The following GRAMD1B variants were observed in gnomAD, a reference collection of about 807,000 sequenced individuals.
GRAMD1B encodes GRAM domain containing 1B, also known as protein Aster-B.
A neutral mutation model predicts 99.7 loss-of-function variants in GRAMD1B; 37 were observed. That is an observed-to-expected ratio of 0.37 (90% confidence interval 0.29 to 0.49). The LOEUF (loss-of-function observed/expected upper bound fraction) is 0.49, where lower values mean the gene tolerates loss of function less well. Among genes scored for constraint, GRAMD1B ranks in the 20% least tolerant of loss-of-function variants. GRAMD1B has a pLI of 0.98. For synonymous variants in GRAMD1B, 427 were observed against 387.6 expected, an observed-to-expected ratio of 1.10 and a Z score of -1.19; for missense variants, 888 against 1,009.2, an observed-to-expected ratio of 0.88 and a Z score of 1.63.
At chr11:123,471,767 T>C (rs1239591352) in intron 1 of GRAMD1B, among the ~76,000 whole-genome samples, 1 of 152,148 alleles carries the variant, frequency 6.6e-6, no homozygotes, top group Non-Finnish European at 1.5e-5. Flanking sequence ...CCAGTGAACC[T>C]CAAATCCTGG....
At chr11:123,365,654 T>C (rs568767025) in intron 1 of GRAMD1B, among the ~76,000 whole-genome samples, 3 of 152,310 alleles carry the variant, frequency 2.0e-5, no homozygotes, top group Admixed American at 2.0e-4. Context: ...CTCGCTGCAG[T>C]TGATATATAA....
intron 2 of GRAMD1B, among the ~76,000 whole-genome samples, chr11:123,554,177 T>G (rs925103597): frequency 6.6e-6 from 1 of 152,152 alleles, no homozygotes; most frequent in Non-Finnish European, 1.5e-5. Context: ...GTAGGGTCAG[T>G]GGATAAAAGG....
chr11:123,553,270 T>C (rs985539278), intron 2 of GRAMD1B, among the ~76,000 whole-genome samples: 3 of 152,224 alleles, frequency 2.0e-5, no homozygotes, highest in Non-Finnish European at 4.4e-5. Flanking sequence ...CAGGAGCCAG[T>C]TATTCTATTT....
intron 2 of GRAMD1B, among the ~76,000 whole-genome samples, chr11:123,552,033 T>G (rs1945663741): frequency 6.6e-6 from 1 of 152,140 alleles, no homozygotes; most frequent in Non-Finnish European, 1.5e-5. Context: ...AGGAATCAAC[T>G]CCATTTCCTT....
At chr11:123,511,046 C>T (rs1357311879) in intron 2 of GRAMD1B, among the ~76,000 whole-genome samples, 1 of 151,704 alleles carries the variant, frequency 6.6e-6, no homozygotes, top group Non-Finnish European at 1.5e-5. Flanking sequence ...TTTATCCTGT[C>T]CCTTTTTCAG....
At chr11:123,410,844 C>T (rs1439092391) in intron 1 of GRAMD1B, among the ~76,000 whole-genome samples, 3 of 152,078 alleles carry the variant, frequency 2.0e-5, no homozygotes, top group African/African-American at 7.2e-5. Flanking sequence ...CAAGTGACTT[C>T]TAGGCAAGCT....
At chr11:123,386,435 CTTTTTTTTTTTT>C (rs34243520) in intron 1 of GRAMD1B, among the ~76,000 whole-genome samples, 1 of 96,200 alleles carries the variant, frequency 1.0e-5, no homozygotes, top group African/African-American at 3.6e-5. Context: ...TCACAATATA[CTTTTTTTTTTTT>C]TTTTTTTTGA....
At chr11:123,605,202 C>A in intron 9 of GRAMD1B, 120 bp from the exon 10 acceptor site, 1 of 670,906 alleles carries the variant, frequency 1.5e-6, no homozygotes. Context: ...AGATCATACA[C>A]AAAGCAAAGA....
intron 1 of GRAMD1B, among the ~76,000 whole-genome samples, chr11:123,413,887 C>T (rs765830698): frequency 3.9e-5 from 6 of 152,064 alleles, no homozygotes; most frequent in Non-Finnish European, 8.8e-5. Context: ...ATCTGCAGAA[C>T]CAAGTCAGAA....
chr11:123,385,921 G>T (rs1947040468), intron 1 of GRAMD1B, among the ~76,000 whole-genome samples: 1 of 152,080 alleles, frequency 6.6e-6, no homozygotes, highest in Non-Finnish European at 1.5e-5. Flanking sequence ...CCCTTCCCAG[G>T]CCTCATAATT....
intron 1 of GRAMD1B, among the ~76,000 whole-genome samples, chr11:123,360,164 C>G (rs770190987): frequency 1.3e-5 from 2 of 152,228 alleles, no homozygotes; most frequent in Admixed American, 1.3e-4. Flanking sequence ...ACCGATCTCT[C>G]TCTCTTCTCT....
upstream of GRAMD1B, among the ~76,000 whole-genome samples, chr11:123,425,623 T>C (rs186817891): frequency 1.2e-4 from 19 of 152,332 alleles, no homozygotes; most frequent in East Asian, 3.7e-3. Flanking sequence ...TGACCCTGTG[T>C]ACTCCCCAAG....
At chr11:123,415,494 G>A (rs1272549124) in intron 1 of GRAMD1B, among the ~76,000 whole-genome samples, 4 of 151,706 alleles carry the variant, frequency 2.6e-5, no homozygotes, top group East Asian at 1.9e-4. Context: ...TCAATGCACA[G>A]CAGAGCCAGG....
chr11:123,369,017 G>A (rs529955745), intron 1 of GRAMD1B, among the ~76,000 whole-genome samples: 1 of 152,134 alleles, frequency 6.6e-6, no homozygotes, highest in Non-Finnish European at 1.5e-5. Flanking sequence ...AAATCAGGCT[G>A]GGCGCAGTGA....
At chr11:123,387,088 A>G (rs542491619) in intron 1 of GRAMD1B, among the ~76,000 whole-genome samples, 7 of 152,244 alleles carry the variant, frequency 4.6e-5, no homozygotes, top group Middle Eastern at 3.4e-3. Flanking sequence ...GACGTTTTGT[A>G]GTTTAGATTA....
intron 2 of GRAMD1B, among the ~76,000 whole-genome samples, chr11:123,506,050 A>G (rs1407870616): frequency 6.6e-6 from 1 of 152,196 alleles, no homozygotes; most frequent in African/African-American, 2.4e-5. Context: ...CTCTTTGGCA[A>G]AAGCATCTGA....
chr11:123,448,463 GC>G (rs1336684676), intron 1 of GRAMD1B, among the ~76,000 whole-genome samples: 3 of 151,928 alleles, frequency 2.0e-5, no homozygotes, highest in Non-Finnish European at 4.4e-5. Flanking sequence ...CAAGCAATTC[GC>G]CCGCCTTGGC....
Position 123,608,787 on chromosome 11 carries a change from C to G in GRAMD1B, c.1642C>G (p.Gln548Glu), listed in dbSNP as rs760013778. ...NSPFQRDFME[Q>E]RRFSDIIFHP... is the part of the protein sequence containing the mutation. ...GCCCTTCCAGCGGGATTTCATGGAGCAGCGGCGCTTCTCTGGTCCGTTCTG... is the reference window on the plus strand; with the variant it reads ...GCCCTTCCAGCGGGATTTCATGGAGGAGCGGCGCTTCTCTGGTCCGTTCTG... The change falls in exon 12 of 20, where the codon CAG becomes GAG. Residue 548 changes from glutamine to glutamate, a missense_variant. Physicochemically the swap from Gln to Glu is conservative, Grantham distance 29. This residue lies in a region of GRAMD1B where 269 missense variants were observed against 296.6 expected (regional missense o/e 0.91). Coordinates refer to ENST00000635736, the MANE Select transcript of GRAMD1B (RefSeq NM_001387025.1). The G allele has an allele frequency of 1.3e-6, 2 of 1,549,030 alleles. No individual in the cohort carries two copies. Among genetic ancestry groups the G allele is most frequent in the Non-Finnish European group, 1.7e-6 (2 of 1,145,328 alleles).
intron 1 of GRAMD1B, chr11:123,435,575 T>C: frequency 3.1e-6 from 2 of 654,310 alleles, no homozygotes; most frequent in Non-Finnish European, 2.8e-6. Flanking sequence ...CAGTGTTCAC[T>C]GGAATACTCC....
Sources: gnomAD v4.1 joint callset for allele counts (sites outside exome capture counted in the v4.1 genomes callset) on GRCh38, gnomAD v4.1.1 for gene constraint, gnomAD v4.1.1 regional missense constraint, MANE v1.5 for transcripts, NCBI Gene and HGNC (gene_info 2026-07-23, HGNC 2026-07-21) for gene names.